The following CHST8 variants were observed in gnomAD, a reference collection of about 807,000 sequenced individuals.
CHST8 encodes GALNAC-4-ST1.
Under a neutral mutation model 15.0 loss-of-function variants are expected in CHST8, and 10 were observed. The ratio of observed to expected loss-of-function variants is 0.67; its 90% CI spans 0.41 to 1.13. The LOEUF is 1.13. Ranked by LOEUF, CHST8 falls within the 50% of genes most tolerant of loss-of-function variation. The probability of loss-of-function intolerance (pLI) is 0.00; values close to 1 mark genes in which losing one functional copy is unlikely to be tolerated. For missense variants in CHST8, 634 were observed against 608.2 expected, an observed-to-expected ratio of 1.04 and a Z score of -0.45; for synonymous variants, 259 against 256.6, an observed-to-expected ratio of 1.01 and a Z score of -0.09.
At chr19:33,718,559 C>T (rs1268092515) in intron 3 of CHST8, among the ~76,000 whole-genome samples, 1 of 152,230 alleles carries the variant, frequency 6.6e-6, no homozygotes, top group Non-Finnish European at 1.5e-5. Flanking sequence ...CCGTCCCCTT[C>T]CCATCTTCCA....
intron 2 of CHST8, among the ~76,000 whole-genome samples, chr19:33,673,755 T>TTTTTTTA (rs368851731): frequency 6.4e-4 from 98 of 152,172 alleles, no homozygotes; most frequent in African/African-American, 2.3e-3. Context: ...TCTCCCACTT[T>TTTTTTTA]TTTTTTATTT....
intron 1 of CHST8, among the ~76,000 whole-genome samples, chr19:33,635,584 G>A (rs1160771907): frequency 6.6e-6 from 1 of 152,116 alleles, no homozygotes; most frequent in East Asian, 1.9e-4. Context: ...GAGGAGGGAG[G>A]CCCAGGCTAG....
chr19:33,759,239 G>C (rs1052836428), intron 3 of CHST8, among the ~76,000 whole-genome samples: 1 of 152,200 alleles, frequency 6.6e-6, no homozygotes, highest in Admixed American at 6.5e-5. Flanking sequence ...CCCCAGCCTC[G>C]GGCTCCAGCC....
chr19:33,727,564 G>A (rs1973924422), intron 3 of CHST8, among the ~76,000 whole-genome samples: 1 of 152,232 alleles, frequency 6.6e-6, no homozygotes, highest in Admixed American at 6.5e-5. Flanking sequence ...ATGGGGCTGT[G>A]CATCTTGTCG....
intron 1 of CHST8, among the ~76,000 whole-genome samples, chr19:33,631,868 TG>T (rs1466477800): frequency 1.3e-5 from 2 of 152,200 alleles, no homozygotes; most frequent in Non-Finnish European, 2.9e-5. Context: ...GGTCACTGTG[TG>T]GGCTAGGGAC....
chr19:33,698,396 AAAAAAAG>A (rs1214780104), intron 3 of CHST8, among the ~76,000 whole-genome samples: 1 of 149,412 alleles, frequency 6.7e-6, no homozygotes, highest in Non-Finnish European at 1.5e-5. Flanking sequence ...AAGAAAAAAA[AAAAAAAG>A]AAAGAAAGAA....
chr19:33,700,081 G>T (rs1973302585), intron 3 of CHST8, among the ~76,000 whole-genome samples: 1 of 152,174 alleles, frequency 6.6e-6, no homozygotes, highest in African/African-American at 2.4e-5. Flanking sequence ...CGCGCAGCTG[G>T]GCGTCTAAGC....
At chr19:33,710,212 G>A (rs1034104090) in intron 3 of CHST8, among the ~76,000 whole-genome samples, 5 of 152,052 alleles carry the variant, frequency 3.3e-5, no homozygotes, top group Admixed American at 6.6e-5. Context: ...TTAGTAGTTT[G>A]TATTGTCTCT....
At chr19:33,678,438 A>G (rs1311751991) in intron 2 of CHST8, among the ~76,000 whole-genome samples, 2 of 152,150 alleles carry the variant, frequency 1.3e-5, no homozygotes, top group East Asian at 3.9e-4. Flanking sequence ...AGCTCCAGGG[A>G]AAATCATGCT....
chr19:33,696,866 G>A (rs912957954), intron 3 of CHST8, among the ~76,000 whole-genome samples: 6 of 149,820 alleles, frequency 4.0e-5, no homozygotes, highest in African/African-American at 1.2e-4. Flanking sequence ...TTGAGACGGA[G>A]TTTTGCTCTC....
At chr19:33,692,703 C>T (rs1973121713) in intron 3 of CHST8, among the ~76,000 whole-genome samples, 1 of 152,132 alleles carries the variant, frequency 6.6e-6, no homozygotes, top group Non-Finnish European at 1.5e-5. Context: ...TTGTCTCAAA[C>T]AACAAAAAAT....
chr19:33,695,298 C>T (rs937500023), intron 3 of CHST8, among the ~76,000 whole-genome samples: 5 of 152,146 alleles, frequency 3.3e-5, no homozygotes, highest in African/African-American at 1.2e-4. Context: ...TGTGCCAGCA[C>T]TCACTGGGGC....
intron 3 of CHST8, among the ~76,000 whole-genome samples, chr19:33,757,387 GAAGAAAGAAAGAAAGAAAGA>G (rs1458508669): frequency 1.9e-5 from 1 of 51,586 alleles, no homozygotes; most frequent in Non-Finnish European, 4.3e-5. Context: ...CTCAAAAAAA[GAAGAAAGAAAGAAAGAAAGA>G]AAGAAAGAAA....
chr19:33,747,335 T>C lies in CHST8; in HGVS notation c.131-24078T>C, dbSNP rs371127068. 1.3e-5 allele frequency among the ~76,000 whole-genome samples: 2 copies of C among 152,282 alleles called. 1 individual carries two copies. Among genetic ancestry groups the C allele is most frequent in the East Asian group, 3.9e-4 (2 of 5,186 alleles). ...TCCTTAGAGATCTGACCTCAGCTGA[T>C]AGGATACTCCTCTTCTGGAAGGCGA... On this transcript the variant is annotated intron_variant, in intron 3 of 4. Coordinates refer to ENST00000650847, the MANE Select transcript of CHST8 (RefSeq NM_001127895.2).
At chr19:33,761,941 C>T (rs1271229607) in intron 3 of CHST8, among the ~76,000 whole-genome samples, 2 of 152,146 alleles carry the variant, frequency 1.3e-5, no homozygotes, top group African/African-American at 2.4e-5. Flanking sequence ...TCCTAGAAAC[C>T]ACACAGGGAT....
At chr19:33,650,660 T>C (rs1972435923) in intron 1 of CHST8, among the ~76,000 whole-genome samples, 1 of 150,924 alleles carries the variant, frequency 6.6e-6, no homozygotes, top group Non-Finnish European at 1.5e-5. Flanking sequence ...GCCTCCCAAG[T>C]AGCTGGGATT....
At chr19:33,707,808 C>T (rs975296566) in intron 3 of CHST8, among the ~76,000 whole-genome samples, 1 of 152,086 alleles carries the variant, frequency 6.6e-6, no homozygotes, top group Non-Finnish European at 1.5e-5. Flanking sequence ...AGTAAATTTA[C>T]GTTAAATTTA....
intron 3 of CHST8, among the ~76,000 whole-genome samples, chr19:33,709,140 T>A (rs1035749035): frequency 4.6e-5 from 7 of 152,220 alleles, no homozygotes; most frequent in African/African-American, 1.7e-4. Context: ...ATTTTCTACA[T>A]ACAGAATTAT....
In CHST8 at chr19:33,643,534, C is replaced by T. The variant is rs79635414; in HGVS notation, c.-164+21238C>T. On this transcript the variant is annotated intron_variant, in intron 1 of 4. Transcript: ENST00000650847. ...AAATAACACACATATGCCGCAGGTGCGAAATGGCCAGCCAGTTGTACCAGC... is the reference window on the plus strand; with the variant it reads ...AAATAACACACATATGCCGCAGGTGTGAAATGGCCAGCCAGTTGTACCAGC... Among the ~76,000 whole-genome samples, 866 of 152,296 alleles carry T rather than the reference C, an allele frequency of 5.7e-3. 10 individuals are homozygous for T. The highest frequency in any genetic ancestry group is 0.02 in the African/African-American group (811 of 41,556).
Sources: gnomAD v4.1 joint callset for allele counts (sites outside exome capture counted in the v4.1 genomes callset) on GRCh38, gnomAD v4.1.1 for gene constraint, MANE v1.5 for transcripts, NCBI Gene and HGNC (gene_info 2026-07-23, HGNC 2026-07-21) for gene names.